RPAP1: variants seen among roughly 807,000 people sequenced by gnomAD.
RPAP1 encodes the protein RNA polymerase II associated protein 1.
A neutral mutation model predicts 142.4 loss-of-function variants in RPAP1; 109 were observed. The observed-to-expected ratio is 0.77, with a 90% confidence interval of 0.66 to 0.90. RPAP1 has a LOEUF of 0.90. RPAP1 is among the 40% of genes least tolerant of loss of function. The probability of loss-of-function intolerance (pLI) is 0.00; values close to 1 mark genes in which losing one functional copy is unlikely to be tolerated. For missense variants in RPAP1, 1,546 were observed against 1,751.7 expected (o/e 0.88, Z 2.10); for synonymous variants, 704 against 738.9 (o/e 0.95, Z 0.77).
At chr15:41,531,481 A>G (rs2051846879) in intron 6 of RPAP1, among the ~76,000 whole-genome samples, 1 of 151,680 alleles carries the variant, frequency 6.6e-6, no homozygotes, top group Non-Finnish European at 1.5e-5. Flanking sequence ...CTTTGGTTTC[A>G]GGTCACAGTT....
intron 9 of RPAP1, 115 bp downstream of exon 9, chr15:41,529,355 A>G (rs1251531902): frequency 4.4e-6 from 3 of 688,674 alleles, no homozygotes; most frequent in Non-Finnish European, 7.6e-6. Flanking sequence ...CTGAATGCAC[A>G]GCAAAGGCAT....
intron 9 of RPAP1, among the ~76,000 whole-genome samples, chr15:41,528,764 G>A (rs924683788): frequency 2.6e-5 from 4 of 152,168 alleles, no homozygotes; most frequent in Admixed American, 1.3e-4. Flanking sequence ...GGTCAGCAGG[G>A]ACAAAAGGTA....
chr15:41,535,987 G>A, intron 4 of RPAP1, 142 bp downstream of exon 4: 1 of 646,292 alleles, frequency 1.5e-6, no homozygotes, highest in Non-Finnish European at 2.7e-6. Context: ...ATTAAAAGAA[G>A]TAATGGGTAT....
At chr15:41,531,617 ATATATATATAT>A (rs370910744) in intron 6 of RPAP1, among the ~76,000 whole-genome samples, 47,476 of 94,562 alleles carry the variant, frequency 0.5, 8,710 homozygotes, top group Admixed American at 0.59. Context: ...ATATATATAT[ATATATATATAT>A]TTTTTTTTTT....
At position 41,526,490 on chromosome 15, in the gene RPAP1, T is replaced by A. The variant is rs187001999; in HGVS notation, c.1917+408A>T. Among the ~76,000 whole-genome samples, 470 of 152,266 alleles carry A rather than the reference T, an allele frequency of 3.1e-3. 1 individual carries two copies. The highest frequency in any genetic ancestry group is 5.2e-3 in the South Asian group (25 of 4,828). ...TGGCCCCTGAACTCTTGGCCCCAAGTGATCCTCCTGCCTTGGCCTCCCAAA... is the reference window on the plus strand; with the variant it reads ...TGGCCCCTGAACTCTTGGCCCCAAGAGATCCTCCTGCCTTGGCCTCCCAAA... On this transcript the variant is annotated intron_variant, in intron 14 of 24. Coordinates refer to ENST00000304330, the MANE Select transcript of RPAP1 (RefSeq NM_015540.4).
Position 41,535,700 on chromosome 15 carries a change from A to G in RPAP1, c.421-68T>C, listed in dbSNP as rs544056348. 34 of 1,569,948 alleles carry G rather than the reference A, an allele frequency of 2.2e-5. No individual in the cohort carries two copies. The South Asian group carries it at 4.0e-4, about 18-fold the overall frequency. On this transcript the variant is annotated intron_variant, in intron 4 of 24. Transcript: ENST00000304330. ...CCCACTTTCCTCTCAACCTCTTTATATCAAGGCCTCTGGAACAAAGAGATA... is the reference window on the plus strand; with the variant it reads ...CCCACTTTCCTCTCAACCTCTTTATGTCAAGGCCTCTGGAACAAAGAGATA...
Position 41,524,972 on chromosome 15 carries a change from AC to A in RPAP1, c.2075+18del, listed in dbSNP as rs769122813. On this transcript the variant is annotated intron_variant, in intron 15 of 24. Transcript: ENST00000304330. Reference sequence around the variant, plus strand: ...AACTGAAGGTGTCTAGGGGGAGCCTACCCCCTGCCTCTCCTCACCTGTAAAG... The same window carrying A: ...AACTGAAGGTGTCTAGGGGGAGCCTACCCCTGCCTCTCCTCACCTGTAAAG... 3.7e-6 allele frequency: 6 copies of A among 1,609,690 alleles called. No homozygotes were observed. The highest frequency in any genetic ancestry group is 3.4e-6 in the Non-Finnish European group (4 of 1,178,348).
At position 41,518,120 on chromosome 15, in the gene RPAP1, G is replaced by C. The variant is rs746739394; in HGVS notation, c.3858C>G (p.Leu1286=). ...PPEDNLALLQ[L]YFRTLVTGAL... Reference sequence around the variant, plus strand: ...CACCAGTAACCAGGGTCCGGAAGTAGAGCTGAAGGAGGGCCAGGTTGTCTT... The same window carrying C: ...CACCAGTAACCAGGGTCCGGAAGTACAGCTGAAGGAGGGCCAGGTTGTCTT... The change falls in exon 23 of 25, where the codon CTC becomes CTG. Residue 1286 remains leucine, a synonymous_variant. Coordinates refer to ENST00000304330, the MANE Select transcript of RPAP1 (RefSeq NM_015540.4). The C allele has an allele frequency of 7.5e-6, 12 of 1,601,486 alleles. No individual in the cohort carries two copies. In the South Asian group the frequency reaches 1.2e-4, roughly 16 times the overall value.
intron 5 of RPAP1, 81 bp from the exon 6 acceptor site, chr15:41,535,016 A>C: frequency 7.4e-7 from 1 of 1,355,768 alleles, no homozygotes; most frequent in Non-Finnish European, 1.0e-6. Context: ...CTATAAGGCT[A>C]TTAGCCCTGG....
At chr15:41,541,377 T>C (rs2051970654) in intron 1 of RPAP1, among the ~76,000 whole-genome samples, 1 of 136,484 alleles carries the variant, frequency 7.3e-6, no homozygotes, top group East Asian at 2.3e-4. Context: ...GAGCCAAGAT[T>C]ACACCACTGC....
At position 41,524,078 on chromosome 15, in the gene RPAP1, G is replaced by T. The variant is rs2051762719; in HGVS notation, c.2234+18C>A. On this transcript the variant is annotated intron_variant, in intron 16 of 24. Coordinates refer to ENST00000304330, the MANE Select transcript of RPAP1 (RefSeq NM_015540.4). ...GAGGAGCCCTCCACCTGTCCTGTGG[G>T]TCCTGGCTATAAACTACCTGATGGT... 2 of 1,591,790 alleles carry T rather than the reference G, an allele frequency of 1.3e-6. No homozygotes were observed. The highest frequency in any genetic ancestry group is 1.7e-6 in the Non-Finnish European group (2 of 1,165,846).
chr15:41,528,095 C>T (rs2051814022), intron 10 of RPAP1, 68 bp from the exon 11 acceptor site: 6 of 1,571,824 alleles, frequency 3.8e-6, no homozygotes, highest in Admixed American at 3.6e-5. Flanking sequence ...CCTAATCCTT[C>T]GTTTGCCCCC....
intron 1 of RPAP1, among the ~76,000 whole-genome samples, chr15:41,543,466 G>A (rs1269026074): frequency 1.3e-5 from 2 of 152,050 alleles, no homozygotes; most frequent in Non-Finnish European, 2.9e-5. Context: ...GCCCGCCTCG[G>A]CCTCCCAAAG....
At chr15:41,533,636 C>T (rs114359392) in intron 6 of RPAP1, among the ~76,000 whole-genome samples, 2,671 of 152,050 alleles carry the variant, frequency 0.018, 47 homozygotes, top group South Asian at 0.052. Flanking sequence ...CGAAACCAGC[C>T]TGGCCAATAC....
chr15:41,521,072 C>A lies in RPAP1; in HGVS notation c.3114G>T (p.Arg1038=). Residue 1038 remains arginine (R), a synonymous_variant, in exon 22 of 25, where the codon CGG becomes CGT. Transcript: ENST00000304330. ...QLSLGSSRVP[R]CGQGTLLAQA... ...GAGCCAGCAGAGTCCCTTGCCCACA[C>A]CGAGGGACCCTGCTGCTTCCTAACG... 6.5e-7 allele frequency: 1 copy of A among 1,545,262 alleles called. No homozygotes were observed. Among genetic ancestry groups the A allele is most frequent in the Non-Finnish European group, 8.7e-7 (1 of 1,147,276 alleles).
rs769976952 is a variant in RPAP1, at chr15:41,536,966, G to A, written c.160C>T (p.Arg54Trp). The change falls in exon 2 of 25, where the codon CGG (arginine) becomes TGG (tryptophan). Residue 54 changes from arginine to tryptophan, a missense_variant. Around this residue, in one of 3 missense-constraint regions of RPAP1, gnomAD observed 1,333 missense variants for 1,486.6 expected, o/e 0.90. Coordinates refer to ENST00000304330, the MANE Select transcript of RPAP1 (RefSeq NM_015540.4). ...NSDRPPLQDH[R>W]DVVMLDNLPD... ...TCACTGTCCAACATCACCACATCCC[G>A]ATGGTCCTGGAGCGGAGGCCGGTCT... 4.3e-6 allele frequency: 7 copies of A among 1,614,012 alleles called. No individual in the cohort carries two copies. Among genetic ancestry groups the A allele is most frequent in the Admixed American group, 3.3e-5 (2 of 60,004 alleles).
chr15:41,527,407 G>T lies in RPAP1; in HGVS notation c.1611+16C>A. ...GTCCCCTGGGCCATGGGATGGGAAA[G>T]AAGCTGTCCCTTTACCTTGATGACA... On this transcript the variant is annotated intron_variant, in intron 12 of 24. Coordinates refer to ENST00000304330, the MANE Select transcript of RPAP1 (RefSeq NM_015540.4). 1 of 1,613,872 alleles carries T rather than the reference G, an allele frequency of 6.2e-7. No individual in the cohort carries two copies. Among genetic ancestry groups the T allele is most frequent in the Non-Finnish European group, 8.5e-7 (1 of 1,179,870 alleles).
At chr15:41,524,488 T>G (rs2051768081) in intron 15 of RPAP1, among the ~76,000 whole-genome samples, 1 of 151,384 alleles carries the variant, frequency 6.6e-6, no homozygotes. Context: ...TTTTTTTTTT[T>G]TTTGAGACAT....
In RPAP1 at chr15:41,520,758, C is replaced by T. The variant is rs752092559; in HGVS notation, c.3428G>A (p.Arg1143His). The change falls in exon 22 of 25, where the codon CGC (arginine) becomes CAC (histidine). Residue 1143 changes from arginine to histidine, a missense_variant. Physicochemically the swap from Arg to His is conservative, Grantham distance 29. This residue lies in a region of RPAP1 where 1,333 missense variants were observed against 1,486.6 expected (regional missense o/e 0.90). Transcript: ENST00000304330. Reference protein sequence around the residue: ...LQWVLVLESWRPQALWAVPPA... With the variant: ...LQWVLVLESWHPQALWAVPPA... The stretch of plus-strand genomic sequence containing the variant: ...GGGCACAGCCCAGAGAGCCTGGGGG[C>T]GCCAGCTCTCCAAAACTAGCACCCA... 11 of 1,613,620 alleles carry T rather than the reference C, an allele frequency of 6.8e-6. No homozygotes were observed. Among genetic ancestry groups the T allele is most frequent in the Admixed American group, 6.7e-5 (4 of 60,014 alleles).
Sources: gnomAD v4.1 joint callset for allele counts (sites outside exome capture counted in the v4.1 genomes callset) on GRCh38, gnomAD v4.1.1 for gene constraint, gnomAD v4.1.1 regional missense constraint, MANE v1.5 for transcripts, NCBI Gene and HGNC (gene_info 2026-07-23, HGNC 2026-07-21) for gene names.